CLEC4C: variants seen among roughly 807,000 people sequenced by gnomAD.
CLEC4C encodes the protein C-type lectin domain family 4 member C.
CLEC4C carries 17 observed loss-of-function variants against 27.7 expected under a neutral mutation model. The ratio of observed to expected loss-of-function variants is 0.61; its 90% confidence interval spans 0.42 to 0.92. The LOEUF (loss-of-function observed/expected upper bound fraction) is 0.92. Among genes scored for constraint, CLEC4C ranks in the 40% least tolerant of loss-of-function variants. The pLI, the probability that CLEC4C is intolerant of heterozygous loss-of-function variation, is 0.00. For missense variants in CLEC4C, 244 were observed against 257.3 expected, an observed-to-expected ratio of 0.95 and a Z score of 0.35; for synonymous variants, 80 against 80.8, an observed-to-expected ratio of 0.99 and a Z score of 0.06.
At chr12:7,738,287 C>A (rs1864774173) in intron 3 of CLEC4C, among the ~76,000 whole-genome samples, 1 of 152,078 alleles carries the variant, frequency 6.6e-6, no homozygotes, top group African/African-American at 2.4e-5. Flanking sequence ...ATATTTCTCA[C>A]TCAGAATGTT....
chr12:7,735,524 C>T (rs1380816020), intron 4 of CLEC4C, among the ~76,000 whole-genome samples: 7 of 92,858 alleles, frequency 7.5e-5, no homozygotes, highest in East Asian at 7.3e-4. Context: ...AAAAAAAAAA[C>T]GGCCAGGCAC....
At chr12:7,738,216 T>G (rs1477808494) in intron 3 of CLEC4C, among the ~76,000 whole-genome samples, 1 of 152,192 alleles carries the variant, frequency 6.6e-6, no homozygotes, top group Non-Finnish European at 1.5e-5. Flanking sequence ...TGCTGTAATT[T>G]TGGGAAAATT....
At chr12:7,741,606 G>T in intron 2 of CLEC4C, 75 bp from the exon 3 acceptor site, 1 of 839,674 alleles carries the variant, frequency 1.2e-6, no homozygotes, top group South Asian at 1.4e-5. Flanking sequence ...CTTATGCTGT[G>T]GACAGGCACA....
chr12:7,745,424 C>CTTTTTTTT lies in CLEC4C; in HGVS notation c.124+899_124+906dup, dbSNP rs140956970. On this transcript the variant is annotated intron_variant, in intron 2 of 5. Coordinates refer to ENST00000360345, the MANE Select transcript of CLEC4C (RefSeq NM_001371390.1). Reference sequence around the variant, plus strand: ...TGTTTTTTAACTCACTCAGTCTATGCTTTTTTTTTTTTTTTTTTTTTTTTT... The same window carrying CTTTTTTTT: ...TGTTTTTTAACTCACTCAGTCTATGCTTTTTTTTTTTTTTTTTTTTTTTTTTTTTTTTT... Among the ~76,000 whole-genome samples, 3 of 48,192 alleles carry CTTTTTTTT rather than the reference C, an allele frequency of 6.2e-5. 1 individual carries two copies. Among genetic ancestry groups the CTTTTTTTT allele is most frequent in the African/African-American group, 1.8e-4 (2 of 11,340 alleles). The allele number at this position is 48,192 out of a possible 152,430, so 31.6% of individuals were successfully genotyped here.
intron 4 of CLEC4C, among the ~76,000 whole-genome samples, chr12:7,735,063 C>G (rs1467278287): frequency 6.6e-6 from 1 of 151,100 alleles, no homozygotes; most frequent in Non-Finnish European, 1.5e-5. Context: ...TAGCCAGGAG[C>G]GGTGGCATGC....
Position 7,746,426 on chromosome 12 carries a change from GTCAGA to G in CLEC4C, c.32-8_32-4del. ...CTGGAACCACCAGAGTCCTTTCTCT[GTCAGA>G]TCAGCATGACAAATGCACAGTCATA... On this transcript the variant is annotated splice_polypyrimidine_tract_variant and splice_region_variant and intron_variant, in intron 1 of 5. Coordinates refer to ENST00000360345, the MANE Select transcript of CLEC4C (RefSeq NM_001371390.1). The G allele has an allele frequency of 6.2e-7, 1 of 1,602,800 alleles. No individual in the cohort carries two copies. Among genetic ancestry groups the G allele is most frequent in the Non-Finnish European group, 8.5e-7 (1 of 1,170,040 alleles).
At position 7,729,625 on chromosome 12, in the gene CLEC4C, T is replaced by C. The variant is rs770151461; in HGVS notation, c.613A>G (p.Ile205Val). 2.5e-6 allele frequency: 4 copies of C among 1,613,620 alleles called. No homozygotes were observed. The highest frequency in any genetic ancestry group is 1.3e-5 in the African/African-American group (1 of 74,966). Residue 205 changes from isoleucine to valine, a missense_variant, in exon 6 of 6, where the codon ATT (isoleucine) becomes GTT (valine). Transcript: ENST00000360345. ...DIHCHVPQKSICKMKKIYI is the reference protein window; with the variant it reads ...DIHCHVPQKSVCKMKKIYI Reference sequence around the variant, plus strand: ...ATGTAGATCTTCTTCATCTTGCAAATTGACTTCTGAGGTACATGACAGTGA... The same window carrying C: ...ATGTAGATCTTCTTCATCTTGCAAACTGACTTCTGAGGTACATGACAGTGA...
At chr12:7,741,027 G>A (rs11055543) in intron 3 of CLEC4C, among the ~76,000 whole-genome samples, 33,199 of 151,870 alleles carry the variant, frequency 0.22, 4,312 homozygotes, top group Admixed American at 0.32. Flanking sequence ...TTTTTAGTAG[G>A]GACAGGGTTT....
At chr12:7,746,253 A>C (rs1864979578) in intron 2 of CLEC4C, 78 bp downstream of exon 2, 1 of 805,442 alleles carries the variant, frequency 1.2e-6, no homozygotes, top group Non-Finnish European at 2.1e-6. Context: ...AGAAAGAGGA[A>C]CGTGTTTCTT....
In CLEC4C at chr12:7,729,534, C is replaced by G; in HGVS notation, c.*62G>C. The G allele has an allele frequency of 6.7e-7, 1 of 1,503,542 alleles. No individual in the cohort carries two copies. The highest frequency in any genetic ancestry group is 1.2e-5 in the South Asian group (1 of 82,648). The allele number at this position is 1,503,542 out of a possible 1,614,324, so 93.1% of individuals were successfully genotyped here. A position where few individuals can be genotyped will look rare whatever the true frequency, so the allele number is the denominator to read the frequency against. On this transcript the variant is annotated 3_prime_UTR_variant, in exon 6 of 6. Transcript: ENST00000360345. The stretch of plus-strand genomic sequence containing the variant: ...AAAACTTACACATAAATTAAAAAAT[C>G]AATTTAGCTTTCTACAACGGTGGAT...
At chr12:7,739,117 C>T (rs927720343) in intron 3 of CLEC4C, among the ~76,000 whole-genome samples, 3 of 151,510 alleles carry the variant, frequency 2.0e-5, no homozygotes, top group Non-Finnish European at 2.9e-5. Context: ...TGAATTATTT[C>T]ATTCTTTTTT....
chr12:7,739,921 A>C (rs1592095092), intron 3 of CLEC4C, among the ~76,000 whole-genome samples: 1 of 143,778 alleles, frequency 7.0e-6, no homozygotes, highest in African/African-American at 2.6e-5. Flanking sequence ...CACAACCTCC[A>C]CCTCCCAGGT....
At chr12:7,741,124 G>A (rs112516830) in intron 3 of CLEC4C, among the ~76,000 whole-genome samples, 15,830 of 152,030 alleles carry the variant, frequency 0.1, 1,124 homozygotes, top group Middle Eastern at 0.22. Context: ...CACCGCGCCC[G>A]GACTTTTTTT....
chr12:7,732,647 C>T lies in CLEC4C; in HGVS notation c.382-1735G>A, dbSNP rs1007386309. Among the ~76,000 whole-genome samples, 5 of 151,726 alleles carry T rather than the reference C, an allele frequency of 3.3e-5. No individual in the cohort carries two copies. The East Asian group carries it at 7.8e-4, about 24-fold the overall frequency. Reference sequence around the variant, plus strand: ...GATTACAGGCGTGAGCCACCGTGCCCGACCACAGGTCACTTTAAAATAAAG... The same window carrying T: ...GATTACAGGCGTGAGCCACCGTGCCTGACCACAGGTCACTTTAAAATAAAG... On this transcript the variant is annotated intron_variant, in intron 4 of 5. Transcript: ENST00000360345.
At chr12:7,746,005 G>A (rs1315541046) in intron 2 of CLEC4C, among the ~76,000 whole-genome samples, 1 of 151,736 alleles carries the variant, frequency 6.6e-6, no homozygotes, top group Non-Finnish European at 1.5e-5. Flanking sequence ...CACGAGGTCA[G>A]GAGATCGAAA....
intron 2 of CLEC4C, among the ~76,000 whole-genome samples, chr12:7,743,334 G>T (rs7134202): frequency 0.22 from 33,224 of 151,768 alleles, 4,337 homozygotes; most frequent in Admixed American, 0.31. Context: ...TTCACTGGCA[G>T]GCACATAGAG....
At position 7,729,702 on chromosome 12, in the gene CLEC4C, C is replaced by T. The variant is rs747788810; in HGVS notation, c.536G>A (p.Arg179His). The T allele has an allele frequency of 5.0e-6, 8 of 1,613,684 alleles. No homozygotes were observed. The highest frequency in any genetic ancestry group is 3.3e-5 in the South Asian group (3 of 91,076). ...AGAACGGAAATTTATTATCGCACAA[C>T]GCTCATCAAGGTTATTGGGTTCACC... ...HSGEPNNLDE[R>H]CAIINFRSSE... is the part of the protein sequence containing the mutation. Residue 179 changes from arginine to histidine, a missense_variant, in exon 6 of 6, where the codon CGT becomes CAT. By Grantham distance (29) the Arg-to-His change is conservative. Transcript: ENST00000360345.
At chr12:7,737,648 T>A in intron 3 of CLEC4C, 74 bp from the exon 4 acceptor site, 1 of 1,416,518 alleles carries the variant, frequency 7.1e-7, no homozygotes, top group East Asian at 2.3e-5. Flanking sequence ...AAGCTTAGCT[T>A]GCTAAGGTTT....
intron 3 of CLEC4C, among the ~76,000 whole-genome samples, chr12:7,739,959 C>G (rs368688833): frequency 6.6e-6 from 1 of 151,794 alleles, no homozygotes; most frequent in East Asian, 1.9e-4. Context: ...CTCAGCCTCC[C>G]GAGTTGCTGG....
Sources: gnomAD v4.1 joint callset for allele counts (sites outside exome capture counted in the v4.1 genomes callset) on GRCh38, gnomAD v4.1.1 for gene constraint, MANE v1.5 for transcripts, NCBI Gene and HGNC (gene_info 2026-07-23, HGNC 2026-07-21) for gene names.